CSMD3: variants seen among roughly 807,000 people sequenced by gnomAD.
The protein encoded by CSMD3 is CUB and sushi domain-containing protein 3.
In CSMD3, 177 loss-of-function variants were observed where a neutral mutation model predicts 435.2. The ratio of observed to expected loss-of-function variants is 0.41; its 90% CI spans 0.36 to 0.46. CSMD3 has a LOEUF of 0.46. Ranked by LOEUF, CSMD3 falls within the 20% of genes least tolerant of loss-of-function variation. CSMD3 has a pLI of 0.34. For synonymous variants in CSMD3, 1,656 were observed against 1,520.5 expected (o/e 1.09, Z -2.07); for missense variants, 4,265 against 4,504.6 (o/e 0.95, Z 1.52).
At chr8:112,776,385 T>C (rs573209999) in intron 13 of CSMD3, among the ~76,000 whole-genome samples, 6 of 151,922 alleles carry the variant, frequency 3.9e-5, no homozygotes, top group South Asian at 2.1e-4. Context: ...CTTACGAAAA[T>C]ACATCATCAT....
intron 13 of CSMD3, among the ~76,000 whole-genome samples, chr8:112,776,025 G>C (rs2132221524): frequency 6.6e-6 from 1 of 151,894 alleles, no homozygotes; most frequent in South Asian, 2.1e-4. Flanking sequence ...CCAAAAAAAT[G>C]TTAGGATCTG....
intron 3 of CSMD3, among the ~76,000 whole-genome samples, chr8:113,186,628 G>C (rs902809492): frequency 6.6e-6 from 1 of 151,948 alleles, no homozygotes; most frequent in Non-Finnish European, 1.5e-5. Flanking sequence ...CAGGTAGAAC[G>C]ACCCTGTATA....
In CSMD3 at chr8:112,340,869, G is replaced by A. The variant is rs188294742; in HGVS notation, c.6652+608C>T. On this transcript the variant is annotated intron_variant, in intron 42 of 70. Coordinates refer to ENST00000297405, the MANE Select transcript of CSMD3 (RefSeq NM_198123.2). The stretch of plus-strand genomic sequence containing the variant: ...TGAGCAAATGGAGAGCAAGGCCGAG[G>A]CCACATTAGATAGAATAGGAAGAAT... Among the ~76,000 whole-genome samples the A allele has an allele frequency of 4.5e-3, 683 of 152,106 alleles. 4 individuals carry two copies. The highest frequency in any genetic ancestry group is 0.016 in the African/African-American group (649 of 41,522).
chr8:113,289,544 CAGAG>C lies in CSMD3; in HGVS notation c.402-10844_402-10841del, dbSNP rs1259057762. Among the ~76,000 whole-genome samples, 575 of 74,098 alleles carry C rather than the reference CAGAG, an allele frequency of 7.8e-3. 3 individuals are homozygous for C. Among genetic ancestry groups the C allele is most frequent in the African/African-American group, 0.022 (491 of 22,380 alleles). 48.6% of individuals were successfully genotyped at this position (74,098 alleles called of 152,430 possible). On this transcript the variant is annotated intron_variant, in intron 2 of 70. Transcript: ENST00000297405. ...TGAAGATTCTCAATTAGAAGACAGA[CAGAG>C]AGAGACAGAGAGAGAGAGAGAGAGA...
At chr8:112,524,206 C>T (rs1038986533) in intron 27 of CSMD3, among the ~76,000 whole-genome samples, 1 of 151,572 alleles carries the variant, frequency 6.6e-6, no homozygotes, top group South Asian at 2.1e-4. Flanking sequence ...TTTGTGGAAT[C>T]AAAGGCTTGT....
Position 113,225,849 on chromosome 8 carries a change from A to C in CSMD3, c.515-51933T>G, listed in dbSNP as rs186292459. 5.9e-5 allele frequency among the ~76,000 whole-genome samples: 9 copies of C among 151,566 alleles called. No homozygotes were observed. The East Asian group carries it at 1.8e-3, about 30-fold the overall frequency. On this transcript the variant is annotated intron_variant, in intron 3 of 70. Coordinates refer to ENST00000297405, the MANE Select transcript of CSMD3 (RefSeq NM_198123.2). ...ATGTCCCCACCCAAATCTCATACTG[A>C]ATTGTAATCCGAATTGTAATCCCCA...
chr8:112,369,844 C>T (rs1488050006), intron 38 of CSMD3, among the ~76,000 whole-genome samples: 2 of 151,222 alleles, frequency 1.3e-5, no homozygotes, highest in African/African-American at 4.9e-5. Flanking sequence ...CAAACCTGCA[C>T]GTTCTGCACA....
chr8:113,205,346 A>T (rs1337997974), intron 3 of CSMD3, among the ~76,000 whole-genome samples: 1 of 152,096 alleles, frequency 6.6e-6, no homozygotes, highest in Non-Finnish European at 1.5e-5. Context: ...ACAACACAAG[A>T]AAAGCTTATC....
chr8:112,236,592 A>G (rs1416489560), intron 67 of CSMD3, among the ~76,000 whole-genome samples: 5 of 152,174 alleles, frequency 3.3e-5, no homozygotes. Flanking sequence ...CCTTTAGGTC[A>G]GGTCATTGGG....
Position 112,645,093 on chromosome 8 carries a change from T to G in CSMD3, c.3310+16A>C, listed in dbSNP as rs1290472826. 1.3e-5 allele frequency: 15 copies of G among 1,186,804 alleles called. No individual in the cohort carries two copies. Among genetic ancestry groups the G allele is most frequent in the Non-Finnish European group, 1.8e-5 (14 of 789,976 alleles). 73.5% of individuals were successfully genotyped at this position (1,186,804 alleles called of 1,614,324 possible). ...TTCAGAAGATAGTCCAATTATTATT[T>G]CATGAGGCAAATTACCTTTTCCATG... On this transcript the variant is annotated intron_variant, in intron 20 of 70. Coordinates refer to ENST00000297405, the MANE Select transcript of CSMD3 (RefSeq NM_198123.2).
At chr8:112,503,743 T>C (rs749903321) in intron 30 of CSMD3, 47 bp downstream of exon 30, 4 of 1,372,572 alleles carry the variant, frequency 2.9e-6, no homozygotes, top group Non-Finnish European at 4.1e-6. Context: ...CTGTATAAAA[T>C]ATCTATAATT....
intron 5 of CSMD3, among the ~76,000 whole-genome samples, chr8:113,027,281 C>A (rs1168567270): frequency 6.6e-6 from 1 of 151,938 alleles, no homozygotes; most frequent in Non-Finnish European, 1.5e-5. Context: ...TGCCTCATGT[C>A]TGAACAAGAA....
intron 58 of CSMD3, among the ~76,000 whole-genome samples, chr8:112,286,834 T>A (rs1354836322): frequency 1.3e-5 from 2 of 152,142 alleles, no homozygotes; most frequent in East Asian, 3.9e-4. Flanking sequence ...ACATTTGCTA[T>A]GTTGTGAACA....
In CSMD3 at chr8:113,143,983, A is replaced by G. The variant is rs963478456; in HGVS notation, c.709+29739T>C. Among the ~76,000 whole-genome samples, 4 of 151,436 alleles carry G rather than the reference A, an allele frequency of 2.6e-5. No individual in the cohort carries two copies. In the East Asian group the frequency reaches 7.8e-4, roughly 29 times the overall value. On this transcript the variant is annotated intron_variant, in intron 4 of 70. Coordinates refer to ENST00000297405, the MANE Select transcript of CSMD3 (RefSeq NM_198123.2). ...ATGAACTTTCTCTGTAATTTTTCTT[A>G]AAACTGCACGTGAATCCACAATTAT...
At chr8:112,714,880 A>C (rs1387250904) in intron 13 of CSMD3, among the ~76,000 whole-genome samples, 3 of 152,194 alleles carry the variant, frequency 2.0e-5, no homozygotes, top group Non-Finnish European at 2.9e-5. Context: ...AACCAATGAG[A>C]ATAAAGAGAC....
chr8:112,567,445 T>C (rs746863462), intron 24 of CSMD3, among the ~76,000 whole-genome samples: 1 of 152,194 alleles, frequency 6.6e-6, no homozygotes, highest in African/African-American at 2.4e-5. Context: ...GGGCAGGAAC[T>C]TTCTCTTATT....
chr8:112,809,921 C>T (rs1389773906), intron 12 of CSMD3, among the ~76,000 whole-genome samples: 1 of 152,178 alleles, frequency 6.6e-6, no homozygotes, highest in Non-Finnish European at 1.5e-5. Context: ...GCACCTGTCT[C>T]CCAGTCTCTA....
At chr8:113,231,319 C>T (rs976522550) in intron 3 of CSMD3, among the ~76,000 whole-genome samples, 3 of 151,072 alleles carry the variant, frequency 2.0e-5, no homozygotes, top group Non-Finnish European at 1.5e-5. Context: ...ATATTTCCTA[C>T]TAGATGAAAA....
chr8:112,884,919 C>T (rs910406533), intron 10 of CSMD3, among the ~76,000 whole-genome samples: 3 of 151,554 alleles, frequency 2.0e-5, no homozygotes, highest in Non-Finnish European at 3.0e-5. Context: ...ACCTTCTTAT[C>T]ATTTATCTAA....
Sources: allele counts gnomAD v4.1 joint callset (sites outside exome capture counted in the v4.1 genomes callset), GRCh38; gene constraint gnomAD v4.1.1; transcripts MANE v1.5; gene names NCBI Gene and HGNC (gene_info 2026-07-23, HGNC 2026-07-21).